Variants in PUDP observed in about 807,000 individuals in gnomAD.
The protein encoded by PUDP is pseudouridine 5'-phosphatase.
Under a neutral mutation model 9.4 loss-of-function variants are expected in PUDP, and 8 were observed. The observed-to-expected ratio is 0.85, with a 90% CI of 0.50 to 1.53. PUDP has a LOEUF of 1.53. Among genes scored for constraint, PUDP ranks in the 40% most tolerant of loss-of-function variants. The pLI is 0.00. For synonymous variants in PUDP, 99 were observed against 80.7 expected (o/e 1.23, Z -1.22); for missense variants, 188 against 189.7 (o/e 0.99, Z 0.05).
chrX:6,717,309 G>A (rs1450283180), intron 1 of PUDP, among the ~76,000 whole-genome samples: 2 of 111,382 alleles, frequency 1.8e-5, no homozygotes, highest in African/African-American at 6.5e-5. Flanking sequence ...TATGCACAGA[G>A]AGCTGTAAGT....
At chrX:6,954,935 C>T (rs1222977826) in intron 3 of PUDP, among the ~76,000 whole-genome samples, 1 of 107,508 alleles carries the variant, frequency 9.3e-6, no homozygotes, top group East Asian at 3.0e-4. Flanking sequence ...CCATCTCCAG[C>T]CCCTCAGGAG....
intron 3 of PUDP, among the ~76,000 whole-genome samples, chrX:6,809,764 C>T (rs1338307739): frequency 9.0e-6 from 1 of 111,307 alleles, no homozygotes; most frequent in African/African-American, 3.3e-5. Flanking sequence ...TATAAAATAA[C>T]ATGTATTCCA....
intron 3 of PUDP, among the ~76,000 whole-genome samples, chrX:6,834,278 T>C (rs953382923): frequency 3.6e-5 from 4 of 111,791 alleles, no homozygotes; most frequent in African/African-American, 1.3e-4. Flanking sequence ...GTCTCAAGCA[T>C]TACCTTATTT....
intron 1 of PUDP, among the ~76,000 whole-genome samples, chrX:6,995,274 C>A (rs1377500356): frequency 9.0e-6 from 1 of 110,853 alleles, no homozygotes; most frequent in African/African-American, 3.3e-5. Flanking sequence ...ATCATGACCA[C>A]AAAAAAACCC....
chrX:6,744,646 A>G (rs1048337642), intron 3 of PUDP, among the ~76,000 whole-genome samples: 5 of 110,341 alleles, frequency 4.5e-5, no homozygotes, highest in African/African-American at 1.7e-4. Flanking sequence ...TGGGGCAGGG[A>G]GGAGATAAGA....
intron 3 of PUDP, among the ~76,000 whole-genome samples, chrX:6,803,749 T>C (rs978623214): frequency 3.6e-5 from 4 of 111,820 alleles, no homozygotes; most frequent in African/African-American, 1.3e-4. Context: ...TTTACAACAC[T>C]GAAAGATAAG....
chrX:6,744,359 T>C (rs1369264164), intron 3 of PUDP, among the ~76,000 whole-genome samples: 1 of 111,792 alleles, frequency 8.9e-6, no homozygotes, highest in Non-Finnish European at 1.9e-5. Flanking sequence ...AAAATCTTCA[T>C]AATTGAACAA....
intron 3 of PUDP, among the ~76,000 whole-genome samples, chrX:6,864,900 A>G (rs1282301501): frequency 1.8e-5 from 2 of 111,912 alleles, no homozygotes; most frequent in Non-Finnish European, 3.8e-5. Flanking sequence ...CCTTAATTTC[A>G]TCTCCACATG....
At chrX:6,828,457 C>A (rs916318380) in intron 3 of PUDP, among the ~76,000 whole-genome samples, 1 of 111,094 alleles carries the variant, frequency 9.0e-6, no homozygotes, top group Non-Finnish European at 1.9e-5. Context: ...TCTCACCTAC[C>A]CCCAGCACCC....
intron 3 of PUDP, among the ~76,000 whole-genome samples, chrX:6,916,249 C>T (rs6639707): frequency 0.22 from 20,857 of 96,416 alleles, 1,867 homozygotes; most frequent in Admixed American, 0.37. Context: ...CACACACACA[C>T]CCTGGGGAAC....
intron 3 of PUDP, among the ~76,000 whole-genome samples, chrX:6,774,704 G>T (rs913393006): frequency 3.6e-5 from 4 of 112,043 alleles, no homozygotes; most frequent in African/African-American, 1.3e-4. Flanking sequence ...TTAGCAAAGT[G>T]CTAAGAATCC....
chrX:6,791,748 C>T (rs1925752560), intron 3 of PUDP, among the ~76,000 whole-genome samples: 1 of 112,012 alleles, frequency 8.9e-6, no homozygotes, highest in Non-Finnish European at 1.9e-5. Context: ...AGAATTCAGA[C>T]TTCCAGGACT....
intron 3 of PUDP, among the ~76,000 whole-genome samples, chrX:6,902,903 G>T (rs1927712027): frequency 2.7e-5 from 3 of 111,715 alleles, no homozygotes; most frequent in African/African-American, 9.8e-5. Flanking sequence ...TAAGTAGGAG[G>T]AGGGGGAAAA....
At chrX:7,001,839 C>T (rs997607160) in intron 1 of PUDP, among the ~76,000 whole-genome samples, 17 of 111,709 alleles carry the variant, frequency 1.5e-4, no homozygotes, top group African/African-American at 5.2e-4. Flanking sequence ...AATTTAAATG[C>T]CAAAGTCAAA....
At chrX:6,974,998 G>A (rs1410492739) in intron 3 of PUDP, among the ~76,000 whole-genome samples, 3 of 108,180 alleles carry the variant, frequency 2.8e-5, no homozygotes, top group South Asian at 4.1e-4. Flanking sequence ...CTGCTTGATC[G>A]ATTCGGCTAT....
chrX:6,753,825 G>A (rs138875674), intron 3 of PUDP, among the ~76,000 whole-genome samples: 1,960 of 111,014 alleles, frequency 0.018, 36 homozygotes, highest in African/African-American at 0.059. Context: ...GGAATTGTTC[G>A]TTTTTTTCCT....
chrX:7,008,216 G>A (rs965590333), intron 1 of PUDP, among the ~76,000 whole-genome samples: 8 of 110,716 alleles, frequency 7.2e-5, no homozygotes, highest in South Asian at 7.8e-4. Context: ...CGCCCTCCTC[G>A]GCCTCCCAAA....
chrX:7,073,307 T>C (rs1313264534), intron 3 of PUDP, among the ~76,000 whole-genome samples: 1 of 112,452 alleles, frequency 8.9e-6, no homozygotes, highest in Admixed American at 9.4e-5. Context: ...CACTTTCTCC[T>C]AGTAAGATGG....
chrX:7,046,051 G>A (rs959600364), downstream of PUDP, among the ~76,000 whole-genome samples: 4 of 112,370 alleles, frequency 3.6e-5, no homozygotes, highest in Admixed American at 1.9e-4. Context: ...ACTAAATGAT[G>A]TTATTCATTG....
Sources: gnomAD v4.1 joint callset for allele counts (sites outside exome capture counted in the v4.1 genomes callset) on GRCh38, gnomAD v4.1.1 for gene constraint, MANE v1.5 for transcripts, NCBI Gene and HGNC (gene_info 2026-07-23, HGNC 2026-07-21) for gene names.